BID: variants seen among roughly 807,000 people sequenced by gnomAD.
The protein encoded by BID is BH3 interacting domain death agonist.
A neutral mutation model predicts 17.4 loss-of-function variants in BID; 19 were observed. The ratio of observed to expected loss-of-function variants is 1.09; its 90% CI spans 0.76 to 1.60. The LOEUF (loss-of-function observed/expected upper bound fraction) is 1.60, where lower values mean the gene tolerates loss of function less well. Among genes scored for constraint, BID ranks in the 40% most tolerant of loss-of-function variants. The probability of loss-of-function intolerance (pLI) is 0.00; values close to 1 mark genes in which losing one functional copy is unlikely to be tolerated. For synonymous variants in BID, 108 were observed against 102.8 expected, an observed-to-expected ratio of 1.05 and a Z score of -0.31; for missense variants, 226 against 256.0, an observed-to-expected ratio of 0.88 and a Z score of 0.80.
Position 17,734,167 on chromosome 22 carries a change from CAG to C in BID, c.*1411_*1412del, listed in dbSNP as rs1244870960. ...AGTGTTAGGAAGATTTATTTCCAAA[CAG>C]TGGCCTCCACACTGCGCGGCAGCAC... On this transcript the variant is annotated 3_prime_UTR_variant, in exon 6 of 6. Coordinates refer to ENST00000622694, the MANE Select transcript of BID (RefSeq NM_001196.4). 1 of 152,206 alleles carries C rather than the reference CAG, an allele frequency of 6.6e-6. No individual in the cohort carries two copies. Among genetic ancestry groups the C allele is most frequent in the Non-Finnish European group, 1.5e-5 (1 of 68,030 alleles). 9.4% of individuals were successfully genotyped at this position (152,206 alleles called of 1,614,324 possible).
At chr22:17,753,587 G>T (rs1242238718) in intron 1 of BID, among the ~76,000 whole-genome samples, 1 of 152,238 alleles carries the variant, frequency 6.6e-6, no homozygotes, top group African/African-American at 2.4e-5. Flanking sequence ...AACTGCAGCT[G>T]TGAGTGGGCC....
chr22:17,762,924 T>G (rs2061651414), intron 1 of BID, among the ~76,000 whole-genome samples: 1 of 152,072 alleles, frequency 6.6e-6, no homozygotes, highest in African/African-American at 2.4e-5. Context: ...TCACCCAGGC[T>G]GGAGTGCAAT....
chr22:17,770,265 A>C (rs949069355), intron 1 of BID, among the ~76,000 whole-genome samples: 10 of 152,236 alleles, frequency 6.6e-5, no homozygotes, highest in African/African-American at 2.4e-4. Context: ...AAAGGTGGAC[A>C]GGTCATGTCG....
intron 1 of BID, among the ~76,000 whole-genome samples, chr22:17,772,165 G>A (rs952122054): frequency 2.0e-5 from 3 of 152,292 alleles, no homozygotes; most frequent in Admixed American, 1.3e-4. Flanking sequence ...CTCCGTGAGC[G>A]TCCGGCACAC....
At position 17,735,592 on chromosome 22, in the gene BID, C is replaced by T. The variant is rs748664557; in HGVS notation, c.577-1G>A. Reference sequence around the variant, plus strand: ...TGGAACTGTCCGTTCAGTCCATCCCCTAGAGCAAGAAAGGAGAAAAAGCCA... The same window carrying T: ...TGGAACTGTCCGTTCAGTCCATCCCTTAGAGCAAGAAAGGAGAAAAAGCCA... On this transcript the variant is annotated splice_acceptor_variant, in intron 5 of 5. Coordinates refer to ENST00000622694, the MANE Select transcript of BID (RefSeq NM_001196.4). LOFTEE classifies it high-confidence loss of function. 6.2e-7 allele frequency: 1 copy of T among 1,614,182 alleles called. No homozygotes were observed. The highest frequency in any genetic ancestry group is 1.7e-5 in the Admixed American group (1 of 60,022).
intron 1 of BID, among the ~76,000 whole-genome samples, chr22:17,755,082 CTTTTT>C (rs59654004): frequency 4.0e-5 from 4 of 99,270 alleles, no homozygotes; most frequent in Non-Finnish European, 5.9e-5. Flanking sequence ...TTTTTCTTTT[CTTTTT>C]TTTTTTTTTT....
chr22:17,766,276 T>C (rs1036385501), intron 1 of BID, among the ~76,000 whole-genome samples: 3 of 150,254 alleles, frequency 2.0e-5, no homozygotes, highest in African/African-American at 7.4e-5. Flanking sequence ...AAGAATTTCT[T>C]TCTTTCTTTT....
Position 17,734,310 on chromosome 22 carries a change from CTT to C in BID, c.*1268_*1269del, listed in dbSNP as rs1555901996. On this transcript the variant is annotated 3_prime_UTR_variant, in exon 6 of 6. Coordinates refer to ENST00000622694, the MANE Select transcript of BID (RefSeq NM_001196.4). ...TTTTCCTTTCTGATGATTTTAAACT[CTT>C]AAAGAACAGGAAAGCATCTGGTAAG... 17,696 of 152,182 alleles carry C rather than the reference CTT, an allele frequency of 0.12. 1,454 individuals carry two copies. The highest frequency in any genetic ancestry group is 0.18 in the Non-Finnish European group (11,898 of 67,976). The allele number at this position is 152,182 out of a possible 1,614,324, so 9.4% of individuals were successfully genotyped here. A position where few individuals can be genotyped will look rare whatever the true frequency, so the allele number is the denominator to read the frequency against.
intron 1 of BID, among the ~76,000 whole-genome samples, chr22:17,761,743 C>T (rs1372489367): frequency 1.3e-5 from 2 of 152,098 alleles, no homozygotes; most frequent in African/African-American, 4.8e-5. Context: ...CATAATCTTT[C>T]ACTTTGAAGG....
rs143584313 is a variant in BID at position 17,742,395 on chromosome 22, G to T, written c.223+1408C>A. On this transcript the variant is annotated intron_variant, in intron 3 of 5. Transcript: ENST00000622694. ...TTCCTGGACCTTCCCAAAGGGATCT[G>T]GGGTTTCTCCTCAGTTCAGGGCGAG... is the stretch of plus-strand genomic sequence containing the variant. Among the ~76,000 whole-genome samples the T allele has an allele frequency of 3.9e-4, 59 of 152,338 alleles. No homozygotes were observed. The East Asian group carries it at 0.01, about 26-fold the overall frequency.
At chr22:17,737,229 C>T (rs2061426468) in intron 5 of BID, among the ~76,000 whole-genome samples, 1 of 152,236 alleles carries the variant, frequency 6.6e-6, no homozygotes, top group Non-Finnish European at 1.5e-5. Context: ...GGATTACAGG[C>T]TTGAGCCACC....
rs751375807 is a variant in BID, at chr22:17,773,670, AC to A, written c.-59+710del. On this transcript the variant is annotated intron_variant, in intron 1 of 5. Coordinates refer to ENST00000622694, the MANE Select transcript of BID (RefSeq NM_001196.4). The surrounding 1 kb of genome is among the most constrained non-coding windows in gnomAD (Gnocchi z 4.4). ...CCTCGCTGCCCACCGAGCCATCATG[AC>A]CCCAGCACCGCTGCACATTCGTATT... The A allele has an allele frequency of 3.7e-6, 6 of 1,610,144 alleles. No individual in the cohort carries two copies. The highest frequency in any genetic ancestry group is 1.7e-5 in the Admixed American group (1 of 59,956).
At chr22:17,740,400 G>A (rs546861063) in intron 3 of BID, 17 of 522,976 alleles carry the variant, frequency 3.3e-5, no homozygotes, top group African/African-American at 2.0e-4. Flanking sequence ...GATTGCACCA[G>A]CAACAAAGCA....
chr22:17,737,966 A>T (rs368555557), intron 5 of BID, 51 bp downstream of exon 5: 60 of 1,594,684 alleles, frequency 3.8e-5, no homozygotes, highest in Non-Finnish European at 4.6e-5. Flanking sequence ...CCTTCCAGAG[A>T]AAAGGGCATG....
chr22:17,735,692 A>G, intron 5 of BID, 101 bp from the exon 6 acceptor site: 8 of 1,465,100 alleles, frequency 5.5e-6, no homozygotes, highest in Non-Finnish European at 7.6e-6. Flanking sequence ...GGTTTATGCA[A>G]AAACATGTTC....
At chr22:17,744,654 G>C (rs1447224926) in intron 2 of BID, among the ~76,000 whole-genome samples, 1 of 152,214 alleles carries the variant, frequency 6.6e-6, no homozygotes, top group Non-Finnish European at 1.5e-5. Context: ...ACCCAGAGGG[G>C]CTGGGCTCTT....
chr22:17,750,975 G>A (rs530811756), intron 1 of BID, among the ~76,000 whole-genome samples: 41 of 152,170 alleles, frequency 2.7e-4, no homozygotes, highest in African/African-American at 8.7e-4. Context: ...GGTGGAGGCT[G>A]CAGTGAGCGG....
intron 1 of BID, among the ~76,000 whole-genome samples, chr22:17,772,261 G>A (rs184522753): frequency 1.5e-3 from 235 of 152,382 alleles, no homozygotes; most frequent in African/African-American, 5.2e-3. Context: ...ATATGTGGCC[G>A]CTGAGGGCGG....
intron 1 of BID, among the ~76,000 whole-genome samples, chr22:17,768,830 G>A (rs1165043330): frequency 2.1e-5 from 3 of 145,154 alleles, no homozygotes; most frequent in Non-Finnish European, 4.5e-5. Context: ...CCGAGATCGC[G>A]CCACTGCACT....
Sources: gnomAD v4.1 joint callset for allele counts (sites outside exome capture counted in the v4.1 genomes callset) on GRCh38, gnomAD v4.1.1 for gene constraint, Gnocchi (gnomAD v3.1) non-coding constraint, MANE v1.5 for transcripts, NCBI Gene and HGNC (gene_info 2026-07-23, HGNC 2026-07-21) for gene names.